CHRM5: variants seen among roughly 807,000 people sequenced by gnomAD.
The protein encoded by CHRM5 is muscarinic acetylcholine receptor M5.
A neutral mutation model predicts 39.0 loss-of-function variants in CHRM5; 18 were observed. That is an observed-to-expected ratio of 0.46 (90% CI 0.32 to 0.68). The LOEUF is 0.68. Ranked by LOEUF, CHRM5 falls within the 30% of genes least tolerant of loss-of-function variation. The pLI, the probability that CHRM5 is intolerant of heterozygous loss-of-function variation, is 0.04. For missense variants in CHRM5, 515 were observed against 651.1 expected, an observed-to-expected ratio of 0.79 and a Z score of 2.28; for synonymous variants, 241 against 246.3, an observed-to-expected ratio of 0.98 and a Z score of 0.20.
chr15:34,019,293 G>T (rs1183130710), intron 1 of CHRM5, among the ~76,000 whole-genome samples: 1 of 152,126 alleles, frequency 6.6e-6, no homozygotes, highest in Non-Finnish European at 1.5e-5. Context: ...TTTTAAAATA[G>T]AAAACAAAAG....
chr15:34,015,596 T>C (rs546058144), intron 1 of CHRM5, among the ~76,000 whole-genome samples: 24 of 152,234 alleles, frequency 1.6e-4, no homozygotes, highest in African/African-American at 5.8e-4. Flanking sequence ...AATTCCACCC[T>C]CGGTCTTTAG....
intron 1 of CHRM5, among the ~76,000 whole-genome samples, chr15:34,029,798 T>C (rs4780201): frequency 0.99 from 151,183 of 152,346 alleles, 75,026 homozygotes; most frequent in Middle Eastern, 1. Flanking sequence ...AAGACTTCTT[T>C]AATAATATAA....
chr15:34,003,288 T>G, intron 1 of CHRM5: 1 of 1,236,816 alleles, frequency 8.1e-7, no homozygotes. Context: ...AACAAAAAAG[T>G]ACATGGACAT....
intron 1 of CHRM5, among the ~76,000 whole-genome samples, chr15:33,994,798 CTACTCTTAGATAAAGGTG>C (rs1213136409): frequency 1.3e-5 from 2 of 152,254 alleles, no homozygotes; most frequent in East Asian, 1.9e-4. Context: ...TCTATATTCT[CTACTCTTAGATAAAGGTG>C]TACTCTTAGA....
chr15:34,058,828 G>A (rs1900242959), intron 2 of CHRM5, among the ~76,000 whole-genome samples: 1 of 152,034 alleles, frequency 6.6e-6, no homozygotes, highest in Admixed American at 6.6e-5. Context: ...TTTGTTTTTT[G>A]ACACAATATA....
At position 34,063,032 on chromosome 15, in the gene CHRM5, T is replaced by C. The variant is rs1415053115; in HGVS notation, c.315T>C (p.Leu105=). Residue 105 remains leucine, a synonymous_variant, in exon 3 of 3, where the codon CTT becomes CTC. Transcript: ENST00000383263. The surrounding 1 kb of genome is among the most constrained non-coding windows in gnomAD (Gnocchi z 4.1). ...RWALGSLACD[L]WLALDYVASN... is the part of the protein sequence containing the mutation. The stretch of plus-strand genomic sequence containing the variant: ...CTCTCGGGAGTCTGGCTTGTGACCT[T>C]TGGCTTGCACTGGACTACGTGGCCA... 8 of 1,614,102 alleles carry C rather than the reference T, an allele frequency of 5.0e-6. No individual in the cohort carries two copies. Among genetic ancestry groups the C allele is most frequent in the African/African-American group, 1.3e-5 (1 of 74,944 alleles).
At chr15:34,054,991 G>A (rs772339445) in intron 2 of CHRM5, among the ~76,000 whole-genome samples, 9 of 152,066 alleles carry the variant, frequency 5.9e-5, no homozygotes, top group South Asian at 2.1e-4. Flanking sequence ...TCAGGAGTTC[G>A]AGACCAGCCT....
intron 1 of CHRM5, among the ~76,000 whole-genome samples, chr15:33,984,529 C>T (rs529001232): frequency 5.3e-5 from 8 of 151,878 alleles, no homozygotes; most frequent in Admixed American, 3.9e-4. Context: ...CAGCCTCCCG[C>T]GTAGCTCAGA....
intron 1 of CHRM5, among the ~76,000 whole-genome samples, chr15:33,976,599 A>G (rs192873540): frequency 2.1e-4 from 32 of 152,322 alleles, no homozygotes; most frequent in Admixed American, 1.7e-3. Flanking sequence ...TAAAATTTAT[A>G]TATCTTTATT....
intron 1 of CHRM5, among the ~76,000 whole-genome samples, chr15:33,974,306 A>T (rs1454749809): frequency 6.6e-6 from 1 of 152,208 alleles, no homozygotes; most frequent in Non-Finnish European, 1.5e-5. Flanking sequence ...TTAAAATCTT[A>T]CATTTATTCT....
At chr15:34,042,438 T>A (rs931579864) in intron 1 of CHRM5, among the ~76,000 whole-genome samples, 1 of 150,538 alleles carries the variant, frequency 6.6e-6, no homozygotes, top group Non-Finnish European at 1.5e-5. Context: ...TTCGCACTTG[T>A]TGCCCAGGCT....
intron 1 of CHRM5, among the ~76,000 whole-genome samples, chr15:34,016,543 T>C (rs1897920956): frequency 6.6e-6 from 1 of 152,168 alleles, no homozygotes; most frequent in Non-Finnish European, 1.5e-5. Flanking sequence ...CAGCAATATT[T>C]ATCTCCTGGG....
rs1221489949 is a variant in CHRM5, at chr15:34,014,724, G to GGCCCAT, written c.-407-31816_-407-31815insGCCCAT. Among the ~76,000 whole-genome samples the GGCCCAT allele has an allele frequency of 2.6e-4, 40 of 152,190 alleles. 1 individual carries two copies. The highest frequency in any genetic ancestry group is 2.2e-3 in the Admixed American group (34 of 15,274). On this transcript the variant is annotated intron_variant, in intron 1 of 2. Transcript: ENST00000383263. ...TCAGCGGGCCCATCTGGGAACAGCG[G>GGCCCAT]CTAAATATGTTGGGTCTACTCCAAC... is the stretch of plus-strand genomic sequence containing the variant.
intron 1 of CHRM5, among the ~76,000 whole-genome samples, chr15:33,998,991 A>T (rs753945506): frequency 6.6e-6 from 1 of 152,174 alleles, no homozygotes; most frequent in Non-Finnish European, 1.5e-5. Context: ...ACATTCCTCT[A>T]TCCAGCAGCC....
intron 1 of CHRM5, among the ~76,000 whole-genome samples, chr15:33,988,677 G>A (rs1746369086): frequency 6.6e-6 from 1 of 152,186 alleles, no homozygotes; most frequent in South Asian, 2.1e-4. Context: ...GACACTGGGT[G>A]TGCTCACTTA....
At chr15:34,026,123 T>A (rs1208772617) in intron 1 of CHRM5, among the ~76,000 whole-genome samples, 4 of 152,244 alleles carry the variant, frequency 2.6e-5, no homozygotes, top group Non-Finnish European at 5.9e-5. Flanking sequence ...AGTTTGATAT[T>A]CTTCTACCCT....
chr15:34,007,670 T>C (rs1442964490), intron 1 of CHRM5, among the ~76,000 whole-genome samples: 1 of 152,232 alleles, frequency 6.6e-6, no homozygotes, highest in Non-Finnish European at 1.5e-5. Flanking sequence ...CATTTCCTGG[T>C]ACCGTATTAC....
At chr15:34,028,182 C>A (rs984285401) in intron 1 of CHRM5, among the ~76,000 whole-genome samples, 1 of 152,116 alleles carries the variant, frequency 6.6e-6, no homozygotes, top group Non-Finnish European at 1.5e-5. Flanking sequence ...AATACATATT[C>A]CATAAATAAT....
At chr15:34,013,991 G>C (rs8033305) in intron 1 of CHRM5, among the ~76,000 whole-genome samples, 21,865 of 152,056 alleles carry the variant, frequency 0.14, 2,230 homozygotes, top group African/African-American at 0.28. Flanking sequence ...TATTAGCAAA[G>C]AACGTGCTTC....
Sources: allele counts gnomAD v4.1 joint callset (sites outside exome capture counted in the v4.1 genomes callset), GRCh38; gene constraint gnomAD v4.1.1; non-coding constraint Gnocchi (gnomAD v3.1); transcripts MANE v1.5; gene names NCBI Gene and HGNC (gene_info 2026-07-23, HGNC 2026-07-21).